Variants in CAPN9 observed in about 807,000 individuals in gnomAD.
CAPN9 encodes calpain 9.
Under a neutral mutation model 92.8 loss-of-function variants are expected in CAPN9, and 81 were observed. The observed-to-expected ratio is 0.87, with a 90% CI of 0.73 to 1.05. The LOEUF (loss-of-function observed/expected upper bound fraction) is 1.05, where lower values mean the gene tolerates loss of function less well. Among genes scored for constraint, CAPN9 ranks in the 50% least tolerant of loss-of-function variants. The pLI is 0.00. For synonymous variants in CAPN9, 304 were observed against 328.0 expected, an observed-to-expected ratio of 0.93 and a Z score of 0.79; for missense variants, 848 against 866.2, an observed-to-expected ratio of 0.98 and a Z score of 0.26.
At chr1:230,772,149 C>A in intron 7 of CAPN9, 50 bp downstream of exon 7, 1 of 1,485,856 alleles carries the variant, frequency 6.7e-7, no homozygotes, top group Non-Finnish European at 9.4e-7. Context: ...GCGTGTGGGG[C>A]CAGAGCTGGC....
chr1:230,754,946 T>C (rs1170656742), intron 1 of CAPN9, among the ~76,000 whole-genome samples: 1 of 152,170 alleles, frequency 6.6e-6, no homozygotes, highest in Non-Finnish European at 1.5e-5. Context: ...ACTCAGCTCC[T>C]TGAAGCCCAC....
chr1:230,752,332 A>G (rs2986387), intron 1 of CAPN9, among the ~76,000 whole-genome samples: 63,144 of 151,728 alleles, frequency 0.42, 13,222 homozygotes, highest in Non-Finnish European at 0.43. Context: ...ATTCCCAGAA[A>G]CACTGACCCA....
intron 19 of CAPN9, among the ~76,000 whole-genome samples, chr1:230,798,605 T>C (rs959586122): frequency 6.6e-6 from 1 of 152,164 alleles, no homozygotes; most frequent in African/African-American, 2.4e-5. Flanking sequence ...TGTTGTCCCG[T>C]GGTTCCCATG....
chr1:230,774,418 G>A, intron 7 of CAPN9, 136 bp from the exon 8 acceptor site: 2 of 659,578 alleles, frequency 3.0e-6, no homozygotes, highest in East Asian at 5.4e-5. Flanking sequence ...ATCCCTGGGT[G>A]CATTTTTGGG....
chr1:230,801,681 T>C lies in CAPN9; in HGVS notation c.*85T>C. The C allele has an allele frequency of 8.0e-7, 1 of 1,257,316 alleles. No individual in the cohort carries two copies. The highest frequency in any genetic ancestry group is 1.2e-6 in the Non-Finnish European group (1 of 854,344). The allele number at this position is 1,257,316 out of a possible 1,614,324, so 77.9% of individuals were successfully genotyped here. On this transcript the variant is annotated 3_prime_UTR_variant, in exon 20 of 20. Transcript: ENST00000271971. The stretch of plus-strand genomic sequence containing the variant: ...CAGAACTTCTCTTGGTGTGGAACCA[T>C]TACGCCCAGGGTTCACTCCCCTCTC...
chr1:230,793,316 G>T (rs1001958844), intron 17 of CAPN9, among the ~76,000 whole-genome samples: 1 of 152,178 alleles, frequency 6.6e-6, no homozygotes, highest in Admixed American at 6.5e-5. Flanking sequence ...GGTTGTTATC[G>T]TGGATGAGAC....
intron 2 of CAPN9, among the ~76,000 whole-genome samples, chr1:230,757,582 A>C (rs1032355583): frequency 6.6e-6 from 1 of 152,086 alleles, no homozygotes; most frequent in African/African-American, 2.4e-5. Flanking sequence ...TGCCACCCAC[A>C]ATAAGAACTA....
chr1:230,787,513 GT>G lies in CAPN9; in HGVS notation c.1519-3del, dbSNP rs772050221. 10 of 1,612,656 alleles carry G rather than the reference GT, an allele frequency of 6.2e-6. No homozygotes were observed. Among genetic ancestry groups the G allele is most frequent in the Non-Finnish European group, 8.5e-6 (10 of 1,178,792 alleles). On this transcript the variant is annotated splice_polypyrimidine_tract_variant and splice_region_variant and intron_variant, in intron 12 of 19. Coordinates refer to ENST00000271971, the MANE Select transcript of CAPN9 (RefSeq NM_006615.3). ...TCATTTTGTGCAAGTTTCTTTGGCT[GT>G]TTTTTAGCCTCCAAAGCCAACTCCA...
chr1:230,761,018 ACT>A lies in CAPN9; in HGVS notation c.402+1389_402+1390del, dbSNP rs1436605922. ...AGTCCTCTCATTAACTCCCGAGGAC[ACT>A]GAGTCCCAGGGAGTGGAAGTGGTTG... On this transcript the variant is annotated intron_variant, in intron 3 of 19. Coordinates refer to ENST00000271971, the MANE Select transcript of CAPN9 (RefSeq NM_006615.3). Among the ~76,000 whole-genome samples the A allele has an allele frequency of 8.5e-5, 13 of 152,244 alleles. No individual in the cohort carries two copies. In the East Asian group the frequency reaches 2.5e-3, roughly 29 times the overall value.
At chr1:230,755,310 A>G (rs761301408) in intron 1 of CAPN9, 27 bp from the exon 2 acceptor site, 13 of 1,589,068 alleles carry the variant, frequency 8.2e-6, no homozygotes, top group Non-Finnish European at 1.1e-5. Context: ...GGCAGGCCTC[A>G]GCCTAATAAC....
intron 4 of CAPN9, among the ~76,000 whole-genome samples, chr1:230,766,743 T>A (rs938116690): frequency 2.6e-5 from 4 of 152,174 alleles, no homozygotes; most frequent in Non-Finnish European, 5.9e-5. Flanking sequence ...AAGAAAGACA[T>A]TCAATTGGAC....
At chr1:230,784,426 A>G (rs1328632086) in intron 11 of CAPN9, among the ~76,000 whole-genome samples, 1 of 152,224 alleles carries the variant, frequency 6.6e-6, no homozygotes, top group Non-Finnish European at 1.5e-5. Flanking sequence ...GCCTAAGAGG[A>G]AAAAAATGGC....
intron 4 of CAPN9, among the ~76,000 whole-genome samples, chr1:230,767,116 C>T (rs998854540): frequency 6.6e-6 from 1 of 152,178 alleles, no homozygotes; most frequent in Non-Finnish European, 1.5e-5. Flanking sequence ...TCCACATAGC[C>T]AGGCCCCGTT....
At chr1:230,748,907 GT>G (rs1308184872) in intron 1 of CAPN9, among the ~76,000 whole-genome samples, 1 of 152,186 alleles carries the variant, frequency 6.6e-6, no homozygotes, top group Non-Finnish European at 1.5e-5. Flanking sequence ...AGTGGTAAGG[GT>G]TTTATTGCTA....
intron 17 of CAPN9, among the ~76,000 whole-genome samples, chr1:230,794,605 G>T (rs2102935742): frequency 6.6e-6 from 1 of 152,304 alleles, no homozygotes; most frequent in African/African-American, 2.4e-5. Flanking sequence ...GCAGTGCCAG[G>T]GCTCAGATCC....
At chr1:230,772,136 G>T in intron 7 of CAPN9, 37 bp downstream of exon 7, 3 of 1,542,960 alleles carry the variant, frequency 1.9e-6, no homozygotes, top group Non-Finnish European at 2.7e-6. Flanking sequence ...GCTGGTTCCC[G>T]GGGCGTGTGG....
intron 2 of CAPN9, among the ~76,000 whole-genome samples, chr1:230,757,265 G>A (rs1209278538): frequency 6.6e-6 from 1 of 151,950 alleles, no homozygotes; most frequent in African/African-American, 2.4e-5. Context: ...CATTCAGGTG[G>A]TCCTTCTCCA....
chr1:230,760,279 T>C lies in CAPN9; in HGVS notation c.402+649T>C, dbSNP rs28359614. Among the ~76,000 whole-genome samples, 500 of 152,276 alleles carry C rather than the reference T, an allele frequency of 3.3e-3. 2 individuals are homozygous for C. The highest frequency in any genetic ancestry group is 0.011 in the African/African-American group (467 of 41,542). Reference sequence around the variant, plus strand: ...AGGTGGGTGACCTCAGACAATTTTCTTAGTGACATTAAACCTTTCTACACT... The same window carrying C: ...AGGTGGGTGACCTCAGACAATTTTCCTAGTGACATTAAACCTTTCTACACT... On this transcript the variant is annotated intron_variant, in intron 3 of 19. Transcript: ENST00000271971.
chr1:230,767,799 C>A, intron 5 of CAPN9, 90 bp downstream of exon 5: 2 of 1,224,478 alleles, frequency 1.6e-6, no homozygotes, highest in Non-Finnish European at 2.3e-6. Context: ...CCAGGTACCC[C>A]AGCCACACCC....
Sources: allele counts gnomAD v4.1 joint callset (sites outside exome capture counted in the v4.1 genomes callset), GRCh38; gene constraint gnomAD v4.1.1; transcripts MANE v1.5; gene names NCBI Gene and HGNC (gene_info 2026-07-23, HGNC 2026-07-21).